LRRC37A2: variants seen among roughly 807,000 people sequenced by gnomAD.
The protein encoded by LRRC37A2 is leucine rich repeat containing 37 member A2.
In LRRC37A2, 9 loss-of-function variants were observed where a neutral mutation model predicts 68.8. That is an observed-to-expected ratio of 0.13 (90% confidence interval 0.08 to 0.23). LRRC37A2 has a LOEUF of 0.23. LRRC37A2 is among the 10% of genes least tolerant of loss of function. The pLI, the probability that LRRC37A2 is intolerant of heterozygous loss-of-function variation, is 1.00. For missense variants in LRRC37A2, 168 were observed against 950.4 expected (o/e 0.18, Z 10.82); for synonymous variants, 63 against 367.6 (o/e 0.17, Z 9.48).
At chr17:46,815,267 C>T in the LRRC37A2 span, among the ~76,000 whole-genome samples, 2 of 152,134 alleles carry the variant, frequency 1.3e-5, no homozygotes, top group Non-Finnish European at 2.9e-5. Context: ...GCTGTTGTTT[C>T]CTGTCCCGGC....
the LRRC37A2 span, among the ~76,000 whole-genome samples, chr17:46,876,015 G>A: frequency 5.3e-5 from 8 of 152,226 alleles, no homozygotes; most frequent in Non-Finnish European, 1.2e-4. Flanking sequence ...GGTGTGAACC[G>A]GGGCTGCTGT....
At chr17:46,830,300 A>G in the LRRC37A2 span, among the ~76,000 whole-genome samples, 8 of 152,216 alleles carry the variant, frequency 5.3e-5, no homozygotes, top group Middle Eastern at 3.4e-3. Context: ...CGCCTGGGCT[A>G]CAGTTCAATG....
the LRRC37A2 span, among the ~76,000 whole-genome samples, chr17:46,404,650 A>G: frequency 9.4e-6 from 1 of 105,986 alleles, no homozygotes; most frequent in Non-Finnish European, 2.2e-5. Context: ...TGGGTGGATC[A>G]CAAGGTCAGG....
At chr17:46,408,299 T>TA in the LRRC37A2 span, among the ~76,000 whole-genome samples, 831 of 13,800 alleles carry the variant, frequency 0.06, 13 homozygotes, top group Non-Finnish European at 0.15. Context: ...CCACATGTAT[T>TA]AAAAAAAAAA....
At chr17:47,048,047 C>CTT in the LRRC37A2 span, among the ~76,000 whole-genome samples, 14,856 of 136,450 alleles carry the variant, frequency 0.11, 1,007 homozygotes, top group South Asian at 0.17. Context: ...TTTTTCAAAA[C>CTT]TTTTTTTTTT....
the LRRC37A2 span, among the ~76,000 whole-genome samples, chr17:46,862,826 C>T: frequency 5.3e-5 from 8 of 152,180 alleles, no homozygotes; most frequent in African/African-American, 1.7e-4. Flanking sequence ...TCAAGTGATC[C>T]GCCCGCCTCG....
the LRRC37A2 span, among the ~76,000 whole-genome samples, chr17:46,820,143 C>G: frequency 6.6e-6 from 1 of 152,226 alleles, no homozygotes; most frequent in African/African-American, 2.4e-5. Flanking sequence ...GATCTGAGCC[C>G]CCCGTACCCA....
the LRRC37A2 span, among the ~76,000 whole-genome samples, chr17:46,971,369 A>G: frequency 2.6e-5 from 4 of 152,094 alleles, no homozygotes; most frequent in Admixed American, 6.5e-5. Flanking sequence ...AAAAAGGAAA[A>G]ATATAATAAG....
chr17:46,633,341 G>T, the LRRC37A2 span, among the ~76,000 whole-genome samples: 8 of 78,182 alleles, frequency 1.0e-4, no homozygotes, highest in South Asian at 7.6e-4. Flanking sequence ...TTGTTTTTTT[G>T]ACAGGGTCTC....
chr17:46,803,495 A>T, the LRRC37A2 span, among the ~76,000 whole-genome samples: 1 of 152,212 alleles, frequency 6.6e-6, no homozygotes. Flanking sequence ...TGTCACTGCA[A>T]TCCAACCTGG....
chr17:46,873,091 CACACACA>C, the LRRC37A2 span, among the ~76,000 whole-genome samples: 1 of 9,606 alleles, frequency 1.0e-4, no homozygotes, highest in African/African-American at 4.6e-4. Flanking sequence ...CCTCTTCACA[CACACACA>C]CACACACACA....
the LRRC37A2 span, among the ~76,000 whole-genome samples, chr17:47,031,924 CTTCTTCTCTG>C: frequency 3.8e-4 from 54 of 143,036 alleles, 7 homozygotes; most frequent in South Asian, 0.012. Flanking sequence ...ATCCTGGCAG[CTTCTTCTCTG>C]ATTCGGAGAG....
chr17:46,801,937 C>T, the LRRC37A2 span, among the ~76,000 whole-genome samples: 2 of 152,204 alleles, frequency 1.3e-5, no homozygotes, highest in Non-Finnish European at 2.9e-5. Flanking sequence ...GACCACTCAA[C>T]GAAGCCTCAT....
At chr17:46,794,005 G>C in the LRRC37A2 span, among the ~76,000 whole-genome samples, 1 of 152,282 alleles carries the variant, frequency 6.6e-6, no homozygotes, top group South Asian at 2.1e-4. Flanking sequence ...CACTGAACTA[G>C]GCACGACGGG....
the LRRC37A2 span, among the ~76,000 whole-genome samples, chr17:46,721,253 AATAT>A: frequency 2.6e-5 from 4 of 152,152 alleles, no homozygotes; most frequent in Non-Finnish European, 4.4e-5. Flanking sequence ...GTTACAGTTT[AATAT>A]GACAATCTCA....
At chr17:46,808,418 G>C in the LRRC37A2 span, among the ~76,000 whole-genome samples, 1 of 152,166 alleles carries the variant, frequency 6.6e-6, no homozygotes, top group African/African-American at 2.4e-5. Context: ...CCATCCTTTG[G>C]GGAACAAAGT....
At chr17:46,699,490 A>C in the LRRC37A2 span, among the ~76,000 whole-genome samples, 1 of 152,150 alleles carries the variant, frequency 6.6e-6, no homozygotes, top group East Asian at 1.9e-4. Context: ...AGAATTTCAT[A>C]AAATTATTTC....
chr17:46,493,677 A>G, the LRRC37A2 span, among the ~76,000 whole-genome samples: 2 of 149,602 alleles, frequency 1.3e-5, no homozygotes, highest in African/African-American at 2.5e-5. Context: ...AGCTGGGACT[A>G]CAGGCACCCG....
the LRRC37A2 span, among the ~76,000 whole-genome samples, chr17:46,859,884 T>C: frequency 6.6e-6 from 1 of 152,248 alleles, no homozygotes; most frequent in Non-Finnish European, 1.5e-5. Flanking sequence ...TTTCTAGTTT[T>C]CAGTGTGCAG....
Sources: allele counts gnomAD v4.1 joint callset (sites outside exome capture counted in the v4.1 genomes callset), GRCh38; gene constraint gnomAD v4.1.1; transcripts MANE v1.5; gene names NCBI Gene and HGNC (gene_info 2026-07-23, HGNC 2026-07-21).